Variants in DNAH17 observed in about 807,000 individuals in gnomAD.
DNAH17 encodes the protein axonemal beta dynein heavy chain 17.
Under a neutral mutation model 485.6 loss-of-function variants are expected in DNAH17, and 376 were observed. That is an observed-to-expected ratio of 0.77 (90% CI 0.71 to 0.84). DNAH17 has a LOEUF of 0.84. Among genes scored for constraint, DNAH17 ranks in the 40% least tolerant of loss-of-function variants. The pLI, the probability that DNAH17 is intolerant of heterozygous loss-of-function variation, is 0.00. For synonymous variants in DNAH17, 3,031 were observed against 2,405.9 expected (o/e 1.26, Z -7.60); for missense variants, 6,370 against 5,839.3 (o/e 1.09, Z -2.96).
chr17:78,467,077 C>T (rs1313113635), intron 55 of DNAH17, among the ~76,000 whole-genome samples: 1 of 152,170 alleles, frequency 6.6e-6, no homozygotes, highest in Non-Finnish European at 1.5e-5. Flanking sequence ...AAAGGCCGGG[C>T]AAAGGAAGGA....
Position 78,451,590 on chromosome 17 carries a change from T to C in DNAH17, c.10613A>G (p.Tyr3538Cys), listed in dbSNP as rs2087556177. Residue 3538 changes from tyrosine to cysteine, a missense_variant, in exon 66 of 81, where the codon TAC (tyrosine) becomes TGC (cysteine). Coordinates refer to ENST00000389840, the MANE Select transcript of DNAH17 (RefSeq NM_173628.4). ...GCACTGAGCCTGCATCTCTGGCTTG[T>C]AGTGTGGGTTGAAGTACTTGGTGTG... is the stretch of plus-strand genomic sequence containing the variant. ...ILHTKYFNPH[Y>C]KPEMQAQCTL... 1 of 1,612,656 alleles carries C rather than the reference T, an allele frequency of 6.2e-7. No individual in the cohort carries two copies. Among genetic ancestry groups the C allele is most frequent in the Middle Eastern group, 1.7e-4 (1 of 6,054 alleles).
At chr17:78,483,657 TAAC>T (rs67445015) in intron 48 of DNAH17, among the ~76,000 whole-genome samples, 40 of 9,828 alleles carry the variant, frequency 4.1e-3, no homozygotes, top group South Asian at 0.01. Context: ...ATAATAATAA[TAAC>T]CCAGCTCCGC....
intron 14 of DNAH17, among the ~76,000 whole-genome samples, chr17:78,553,283 G>GTTTTTTTTTTTTTTTTTTTTTTTTTT (rs60587420): frequency 2.0e-5 from 1 of 51,018 alleles, no homozygotes; most frequent in Non-Finnish European, 3.5e-5. Flanking sequence ...AGGTTTTTGT[G>GTTTTTTTTTTTTTTTTTTTTTTTTTT]TTTTTTTTTT....
chr17:78,482,923 A>G (rs1460504569), intron 48 of DNAH17, among the ~76,000 whole-genome samples: 1 of 152,206 alleles, frequency 6.6e-6, no homozygotes, highest in Non-Finnish European at 1.5e-5. Context: ...GAGGAAAAGA[A>G]AGCAAAAATC....
intron 56 of DNAH17, among the ~76,000 whole-genome samples, chr17:78,465,651 G>A (rs1353002087): frequency 1.3e-3 from 197 of 148,152 alleles, no homozygotes; most frequent in Middle Eastern, 7.8e-3. Flanking sequence ...GAGCGTCTCT[G>A]CCTGGCCGCC....
Position 78,569,151 on chromosome 17 carries a change from G to A in DNAH17, c.1284+15C>T, listed in dbSNP as rs886310397. 1.5e-5 allele frequency: 23 copies of A among 1,578,920 alleles called. No homozygotes were observed. Among genetic ancestry groups the A allele is most frequent in the African/African-American group, 8.1e-5 (6 of 74,238 alleles). On this transcript the variant is annotated intron_variant, in intron 9 of 80. Transcript: ENST00000389840. ...TGGGAAGTGGAGGTCAAGATGCACC[G>A]AGTTCTGTTTTTACCTCAATGGTCT...
intron 60 of DNAH17, 143 bp downstream of exon 60, chr17:78,459,641 G>T: frequency 1.2e-6 from 1 of 856,556 alleles, no homozygotes; most frequent in Non-Finnish European, 1.8e-6. Context: ...CTGTGTTCTT[G>T]GGGTGCTGTA....
At chr17:78,454,004 G>A (rs1223609112) in intron 64 of DNAH17, among the ~76,000 whole-genome samples, 6 of 152,174 alleles carry the variant, frequency 3.9e-5, no homozygotes, top group South Asian at 2.1e-4. Flanking sequence ...CACCACACCC[G>A]GGCTGGAAGC....
At chr17:78,553,047 G>C (rs954779034) in intron 14 of DNAH17, among the ~76,000 whole-genome samples, 3 of 152,080 alleles carry the variant, frequency 2.0e-5, no homozygotes, top group Non-Finnish European at 4.4e-5. Flanking sequence ...TCTTGGGATA[G>C]TGAATGAATT....
intron 16 of DNAH17, among the ~76,000 whole-genome samples, chr17:78,544,926 G>A (rs2091715551): frequency 6.6e-6 from 1 of 151,070 alleles, no homozygotes; most frequent in African/African-American, 2.4e-5. Flanking sequence ...TACATATATG[G>A]TAACAAAACA....
Position 78,491,434 on chromosome 17 carries a change from C to T in DNAH17, c.6669+9G>A, listed in dbSNP as rs747945207. On this transcript the variant is annotated intron_variant, in intron 43 of 80. Coordinates refer to ENST00000389840, the MANE Select transcript of DNAH17 (RefSeq NM_173628.4). ...TGGCCTTGGGGCTTAGAGTCCAGGG[C>T]CCGCGAACCTTGTTGTCATCCATGA... The T allele has an allele frequency of 1.2e-6, 2 of 1,611,468 alleles. No individual in the cohort carries two copies. The highest frequency in any genetic ancestry group is 3.4e-5 in the Admixed American group (2 of 59,698).
intron 75 of DNAH17, among the ~76,000 whole-genome samples, chr17:78,429,624 T>C (rs1364937969): frequency 6.6e-6 from 1 of 152,216 alleles, no homozygotes; most frequent in East Asian, 1.9e-4. Context: ...GTTTCTGCTG[T>C]GCCTCACTGT....
At chr17:78,432,208 T>TAAATAAATAAATA (rs1568042479) in intron 75 of DNAH17, among the ~76,000 whole-genome samples, 144 of 146,918 alleles carry the variant, frequency 9.8e-4, no homozygotes, top group African/African-American at 2.9e-3. Context: ...ATAAATAAAA[T>TAAATAAATAAATA]AAATAAAAAT....
intron 40 of DNAH17, 147 bp from the exon 41 acceptor site, chr17:78,494,320 C>A (rs1442466094): frequency 1.6e-6 from 2 of 1,255,626 alleles, no homozygotes; most frequent in East Asian, 5.0e-5. Context: ...GTTCTGCTGT[C>A]AATGCCGAGA....
chr17:78,506,572 G>T lies in DNAH17; in HGVS notation c.4803+148C>A, dbSNP rs1445565173. 17 of 1,183,538 alleles carry T rather than the reference G, an allele frequency of 1.4e-5. No individual in the cohort carries two copies. In the East Asian group the frequency reaches 3.8e-4, roughly 27 times the overall value. 73.3% of individuals were successfully genotyped at this position (1,183,538 alleles called of 1,614,324 possible). ...TTTCTGCCATGGCTGGGGACCCCAGGGCAGCTTCTGGTGCAGAGGGCCTCC... is the reference window on the plus strand; with the variant it reads ...TTTCTGCCATGGCTGGGGACCCCAGTGCAGCTTCTGGTGCAGAGGGCCTCC... On this transcript the variant is annotated intron_variant, in intron 30 of 80. Transcript: ENST00000389840.
At chr17:78,509,824 GT>G (rs1444103769) in intron 27 of DNAH17, among the ~76,000 whole-genome samples, 1 of 152,192 alleles carries the variant, frequency 6.6e-6, no homozygotes, top group Non-Finnish European at 1.5e-5. Context: ...TTTACAAAAT[GT>G]TCCAAACTAT....
chr17:78,497,480 T>C (rs692488), intron 37 of DNAH17, among the ~76,000 whole-genome samples: 5,263 of 152,228 alleles, frequency 0.035, 317 homozygotes, highest in African/African-American at 0.12. Flanking sequence ...GTGGTCTCCA[T>C]TGGAGCCCGT....
rs200709137 is a variant in DNAH17, at chr17:78,424,117, T to G, written c.13178A>C (p.Glu4393Ala). ...RWDTQTGVIA[E>A]ARLKELTPAM... is the part of the protein sequence containing the mutation. ...CGGGGTCAGCTCTTTCAGCCGCGCTTCAGCGATGACTCCAGTCTGGGTGTC... is the reference window on the plus strand; with the variant it reads ...CGGGGTCAGCTCTTTCAGCCGCGCTGCAGCGATGACTCCAGTCTGGGTGTC... Residue 4393 changes from glutamate (E) to alanine (A), a missense_variant, in exon 81 of 81, where the codon GAA becomes GCA. Glu to Ala is a moderately radical substitution (Grantham distance 107). Transcript: ENST00000389840. 1.9e-5 allele frequency: 31 copies of G among 1,613,436 alleles called. No individual in the cohort carries two copies. In the African/African-American group the frequency reaches 3.9e-4, roughly 20 times the overall value.
chr17:78,484,027 C>T (rs920721414), intron 48 of DNAH17, among the ~76,000 whole-genome samples: 6 of 123,242 alleles, frequency 4.9e-5, no homozygotes, highest in Non-Finnish European at 8.0e-5. Context: ...ACCCAGGAGG[C>T]GGAGGTTGCA....
Sources: gnomAD v4.1 joint callset for allele counts (sites outside exome capture counted in the v4.1 genomes callset) on GRCh38, gnomAD v4.1.1 for gene constraint, MANE v1.5 for transcripts, NCBI Gene and HGNC (gene_info 2026-07-23, HGNC 2026-07-21) for gene names.